ENOX1: variants seen among roughly 807,000 people sequenced by gnomAD.
The protein encoded by ENOX1 is ecto-NOX disulfide-thiol exchanger 1.
A neutral mutation model predicts 82.5 loss-of-function variants in ENOX1; 42 were observed. The observed-to-expected ratio is 0.51, with a 90% confidence interval of 0.40 to 0.66. The LOEUF is 0.66. Ranked by LOEUF, ENOX1 falls within the 30% of genes least tolerant of loss-of-function variation. ENOX1 has a pLI of 0.00. For synonymous variants in ENOX1, 271 were observed against 282.2 expected (o/e 0.96, Z 0.40); for missense variants, 608 against 811.6 (o/e 0.75, Z 3.05).
chr13:43,698,903 A>G lies in ENOX1; in HGVS notation c.-284-31359T>C, dbSNP rs555213955. 1.6e-3 allele frequency among the ~76,000 whole-genome samples: 239 copies of G among 152,268 alleles called. 1 individual carries two copies. Among genetic ancestry groups the G allele is most frequent in the Non-Finnish European group, 6.2e-4 (42 of 68,026 alleles). ...AAAAGGCATAGCTTCCAGCCCATAC[A>G]CTAGTAAAGAGCCTGTGAAAAACAA... is the stretch of plus-strand genomic sequence containing the variant. On this transcript the variant is annotated intron_variant, in intron 1 of 16. Coordinates refer to ENST00000690772, the MANE Select transcript of ENOX1 (RefSeq NM_001347969.2).
At chr13:43,336,928 A>G (rs1315965468) in intron 9 of ENOX1, among the ~76,000 whole-genome samples, 1 of 152,218 alleles carries the variant, frequency 6.6e-6, no homozygotes, top group South Asian at 2.1e-4. Context: ...GCAGCTTTTA[A>G]GACCTAAGAT....
At chr13:43,602,950 T>C (rs1228805680) in intron 2 of ENOX1, among the ~76,000 whole-genome samples, 6 of 152,198 alleles carry the variant, frequency 3.9e-5, no homozygotes, top group Admixed American at 3.9e-4. Context: ...ATCATTCATT[T>C]AGCCAACACA....
chr13:43,608,571 G>A (rs1471935963), intron 2 of ENOX1, among the ~76,000 whole-genome samples: 2 of 152,168 alleles, frequency 1.3e-5, no homozygotes, highest in Non-Finnish European at 2.9e-5. Flanking sequence ...GCTGCAGCTA[G>A]AAATGAGTGT....
At position 43,359,957 on chromosome 13, in the gene ENOX1, G is replaced by T; in HGVS notation, c.483C>A (p.Val161=). Residue 161 remains valine (V), a synonymous_variant, in exon 7 of 17, where the codon GTC becomes GTA. Coordinates refer to ENST00000690772, the MANE Select transcript of ENOX1 (RefSeq NM_001347969.2). ...ENATEEIIQE[V]FEQCGDITAI... The stretch of plus-strand genomic sequence containing the variant: ...CTGTAATATCACCGCACTGTTCAAA[G>T]ACTTCTTGAATAATTTCCTCAGTAG... 1 of 1,614,190 alleles carries T rather than the reference G, an allele frequency of 6.2e-7. No individual in the cohort carries two copies.
chr13:43,568,423 A>G (rs573501654), intron 2 of ENOX1, among the ~76,000 whole-genome samples: 1 of 152,286 alleles, frequency 6.6e-6, no homozygotes, highest in African/African-American at 2.4e-5. Context: ...GGGAAAAAAG[A>G]CAGAGACTCC....
chr13:43,489,717 T>C (rs1017414949), intron 2 of ENOX1, among the ~76,000 whole-genome samples: 2 of 152,186 alleles, frequency 1.3e-5, no homozygotes, highest in East Asian at 1.9e-4. Context: ...TCATGGGCTA[T>C]GCTCAACAAT....
intron 3 of ENOX1, among the ~76,000 whole-genome samples, chr13:43,416,788 T>C (rs2054616220): frequency 1.3e-5 from 2 of 151,336 alleles, no homozygotes; most frequent in East Asian, 4.0e-4. Context: ...GCAGAGACGC[T>C]CCCCACTTCC....
chr13:43,627,594 A>T (rs916188260), intron 2 of ENOX1, among the ~76,000 whole-genome samples: 1 of 152,070 alleles, frequency 6.6e-6, no homozygotes. Context: ...TTTACAACCT[A>T]CATCAGACAG....
intron 2 of ENOX1, among the ~76,000 whole-genome samples, chr13:43,633,712 G>GTGTGTGTGTT (rs2083307914): frequency 7.1e-6 from 1 of 141,800 alleles, no homozygotes; most frequent in Non-Finnish European, 1.5e-5. Flanking sequence ...GTGTGTGTGT[G>GTGTGTGTGTT]TGGATAGGTG....
At chr13:43,638,370 G>A (rs1485453138) in intron 2 of ENOX1, among the ~76,000 whole-genome samples, 1 of 151,548 alleles carries the variant, frequency 6.6e-6, no homozygotes, top group Non-Finnish European at 1.5e-5. Context: ...CAAGGAAATG[G>A]AATTAACTTG....
In ENOX1 at chr13:43,412,998, G is replaced by A. The variant is rs535696622; in HGVS notation, c.-74-10C>T. The A allele has an allele frequency of 4.1e-5, 64 of 1,555,664 alleles. No individual in the cohort carries two copies. The highest frequency in any genetic ancestry group is 2.8e-4 in the East Asian group (12 of 42,678). On this transcript the variant is annotated splice_polypyrimidine_tract_variant and intron_variant, in intron 3 of 16. Transcript: ENST00000690772. ...CGGAGGTCATCAGATTCTGCAAAAC[G>A]GGACAGAAGTGTGGTGAGAAACCTT...
chr13:43,444,026 G>C (rs2056497659), intron 3 of ENOX1, among the ~76,000 whole-genome samples: 1 of 152,150 alleles, frequency 6.6e-6, no homozygotes, highest in Non-Finnish European at 1.5e-5. Flanking sequence ...GAAGTACTTT[G>C]GTAGCCACAG....
intron 11 of ENOX1, among the ~76,000 whole-genome samples, chr13:43,312,587 T>C (rs2153519545): frequency 6.6e-6 from 1 of 152,318 alleles, no homozygotes; most frequent in East Asian, 1.9e-4. Flanking sequence ...TGTGACAGTG[T>C]GTATGGTTAC....
chr13:43,767,748 T>C (rs1034529728), intron 1 of ENOX1, among the ~76,000 whole-genome samples: 8 of 152,170 alleles, frequency 5.3e-5, no homozygotes, highest in African/African-American at 1.9e-4. Flanking sequence ...CCCTCTACTC[T>C]CCCCCATGGC....
At chr13:43,283,719 A>G (rs752796705) in intron 12 of ENOX1, among the ~76,000 whole-genome samples, 2 of 151,446 alleles carry the variant, frequency 1.3e-5, no homozygotes, top group South Asian at 2.1e-4. Context: ...CCAAAGTGTT[A>G]AAATTACAAG....
intron 3 of ENOX1, among the ~76,000 whole-genome samples, chr13:43,445,362 A>T (rs2153626790): frequency 6.6e-6 from 1 of 152,150 alleles, no homozygotes; most frequent in Middle Eastern, 3.4e-3. Context: ...TGACCTCGTG[A>T]TCTGCCCGCC....
rs1191699297 is a variant in ENOX1, at chr13:43,298,518, T to G, written c.1274A>C (p.Gln425Pro). 1 of 1,611,108 alleles carries G rather than the reference T, an allele frequency of 6.2e-7. No individual in the cohort carries two copies. Among genetic ancestry groups the G allele is most frequent in the East Asian group, 2.2e-5 (1 of 44,860 alleles). Residue 425 changes from glutamine to proline, a missense_variant, in exon 12 of 17, where the codon CAG (glutamine) becomes CCG (proline). Coordinates refer to ENST00000690772, the MANE Select transcript of ENOX1 (RefSeq NM_001347969.2). The stretch of plus-strand genomic sequence containing the variant: ...ATTCTCCTCTTTCAGAGCGTAGGCC[T>G]GGGCAGCCAGGGCTGAGGGACAAAC... ...MRVDESALAA[Q>P]AYALKEENDS...
At chr13:43,622,774 T>C (rs566632004) in intron 2 of ENOX1, among the ~76,000 whole-genome samples, 1 of 151,892 alleles carries the variant, frequency 6.6e-6, no homozygotes, top group Admixed American at 6.6e-5. Flanking sequence ...GCGTCAGCTG[T>C]GGTAGTATGG....
chr13:43,588,624 T>TA (rs1379491970), intron 2 of ENOX1, among the ~76,000 whole-genome samples: 1 of 152,218 alleles, frequency 6.6e-6, no homozygotes, highest in Non-Finnish European at 1.5e-5. Context: ...CTCCTAGACA[T>TA]ATGGCCTCTG....
Sources: gnomAD v4.1 joint callset for allele counts (sites outside exome capture counted in the v4.1 genomes callset) on GRCh38, gnomAD v4.1.1 for gene constraint, MANE v1.5 for transcripts, NCBI Gene and HGNC (gene_info 2026-07-23, HGNC 2026-07-21) for gene names.